HCN4: variants seen among roughly 807,000 people sequenced by gnomAD.
HCN4 encodes potassium/sodium hyperpolarization-activated cyclic nucleotide-gated channel 4.
In HCN4, 29 loss-of-function variants were observed where a neutral mutation model predicts 76.9. The ratio of observed to expected loss-of-function variants is 0.38; its 90% CI spans 0.28 to 0.51. The LOEUF (loss-of-function observed/expected upper bound fraction) is 0.51. Ranked by LOEUF, HCN4 falls within the 20% of genes least tolerant of loss-of-function variation. The pLI is 0.90. For missense variants in HCN4, 1,416 were observed against 1,715.2 expected (o/e 0.83, Z 3.08); for synonymous variants, 772 against 762.5 (o/e 1.01, Z -0.21).
At chr15:73,332,446 G>C (rs2042938920) in intron 2 of HCN4, among the ~76,000 whole-genome samples, 154 bp from the exon 3 acceptor site, 2 of 152,250 alleles carry the variant, frequency 1.3e-5, no homozygotes, top group Non-Finnish European at 2.9e-5. Context: ...GGTGGGATGG[G>C]AAGGCGTCAG....
Position 73,322,697 on chromosome 15 carries a change from G to A in HCN4, c.3396C>T (p.Ser1132=), listed in dbSNP as rs369224427. 5.1e-5 allele frequency: 81 copies of A among 1,577,902 alleles called. No individual in the cohort carries two copies. The highest frequency in any genetic ancestry group is 6.5e-5 in the Non-Finnish European group (76 of 1,162,434). The change falls in exon 8 of 8, where the codon AGC becomes AGT. Residue 1132 remains serine, a synonymous_variant. Transcript: ENST00000261917. ...GCCTCCCAGGGGGACCGAGGCCCCC[G>A]CTGCTCCCACTGCCCCCGCTGCCAC... is the stretch of plus-strand genomic sequence containing the variant. ...AGGGSGGSGS[S]GGLGPPGRPY...
chr15:73,355,815 A>G (rs2043076322), intron 1 of HCN4, among the ~76,000 whole-genome samples: 1 of 152,184 alleles, frequency 6.6e-6, no homozygotes, highest in Admixed American at 6.5e-5. Flanking sequence ...TCTGCTTCAC[A>G]GTGCTCCAAG....
chr15:73,343,920 T>A lies in HCN4; in HGVS notation c.786-112A>T. The A allele has an allele frequency of 8.7e-7, 1 of 1,155,476 alleles. No individual in the cohort carries two copies. The highest frequency in any genetic ancestry group is 1.3e-5 in the South Asian group (1 of 79,590). The allele number at this position is 1,155,476 out of a possible 1,614,324, so 71.6% of individuals were successfully genotyped here. On this transcript the variant is annotated intron_variant, in intron 1 of 7. Coordinates refer to ENST00000261917, the MANE Select transcript of HCN4 (RefSeq NM_005477.3). The surrounding 1 kb of genome is among the most constrained non-coding windows in gnomAD (Gnocchi z 5.7). Reference sequence around the variant, plus strand: ...GGGACAGAGAAGTCTTGGGAGGTTCTGAGACAGGAAGACAGGCACATGGGT... The same window carrying A: ...GGGACAGAGAAGTCTTGGGAGGTTCAGAGACAGGAAGACAGGCACATGGGT...
At chr15:73,329,817 C>T in intron 3 of HCN4, 26 bp from the exon 4 acceptor site, 2 of 1,588,796 alleles carry the variant, frequency 1.3e-6, no homozygotes, top group Non-Finnish European at 8.6e-7. Context: ...TGGGTGGGGA[C>T]AGTGGATGAG....
intron 1 of HCN4, among the ~76,000 whole-genome samples, chr15:73,352,676 C>G (rs771679208): frequency 9.2e-5 from 14 of 152,176 alleles, no homozygotes; most frequent in Non-Finnish European, 2.1e-4. Flanking sequence ...TAATAAGCCT[C>G]TCATTATGGG....
chr15:73,325,852 G>A lies in HCN4; in HGVS notation c.1591-408C>T, dbSNP rs1488081732. On this transcript the variant is annotated intron_variant, in intron 4 of 7. Transcript: ENST00000261917. This position sits in a 1 kb window ranked among gnomAD's most constrained non-coding sequence, Gnocchi z 7.4. The stretch of plus-strand genomic sequence containing the variant: ...GGAAAGAAGCTGTTTCCTCCCAGCA[G>A]TGACAACTGGCACAGTCAGGAGGCA... 6.6e-6 allele frequency among the ~76,000 whole-genome samples: 1 copy of A among 152,196 alleles called. No individual in the cohort carries two copies.
chr15:73,338,871 G>A (rs1478511430), intron 2 of HCN4, among the ~76,000 whole-genome samples: 3 of 152,220 alleles, frequency 2.0e-5, no homozygotes, highest in Non-Finnish European at 2.9e-5. Context: ...GGGTCATGCC[G>A]GGTCCCATCC....
chr15:73,366,567 AC>A (rs1411378047), intron 1 of HCN4, among the ~76,000 whole-genome samples: 1 of 152,200 alleles, frequency 6.6e-6, no homozygotes, highest in African/African-American at 2.4e-5. Context: ...CCTAGAAACA[AC>A]CAACAATCCC....
intron 1 of HCN4, among the ~76,000 whole-genome samples, chr15:73,365,237 C>T (rs939016743): frequency 1.3e-5 from 2 of 152,120 alleles, no homozygotes; most frequent in Non-Finnish European, 2.9e-5. Context: ...CTGTTTTGGC[C>T]TAGAAGCAGG....
Position 73,328,470 on chromosome 15 carries a change from G to A in HCN4, c.1590+1103C>T, listed in dbSNP as rs1377750221. On this transcript the variant is annotated intron_variant, in intron 4 of 7. Transcript: ENST00000261917. This position sits in a 1 kb window ranked among gnomAD's most constrained non-coding sequence, Gnocchi z 4.0. ...AGTCCCTGAAGAGTTTCAAGCAGAG[G>A]ATGAGGCTGACGTGTTTTAGATGCC... is the stretch of plus-strand genomic sequence containing the variant. Among the ~76,000 whole-genome samples, 1 of 151,952 alleles carries A rather than the reference G, an allele frequency of 6.6e-6. No homozygotes were observed. Among genetic ancestry groups the A allele is most frequent in the Non-Finnish European group, 1.5e-5 (1 of 68,024 alleles).
chr15:73,360,097 G>C (rs924254722), intron 1 of HCN4, among the ~76,000 whole-genome samples: 4 of 152,234 alleles, frequency 2.6e-5, no homozygotes, highest in African/African-American at 7.2e-5. Context: ...AAAGGGGAAG[G>C]CTCCCTTCTC....
chr15:73,323,429 G>A lies in HCN4; in HGVS notation c.2664C>T (p.Gly888=). The A allele has an allele frequency of 6.2e-7, 1 of 1,608,688 alleles. No individual in the cohort carries two copies. Among genetic ancestry groups the A allele is most frequent in the Admixed American group, 1.7e-5 (1 of 59,624 alleles). The change falls in exon 8 of 8, where the codon GGC becomes GGT. Residue 888 remains glycine, a synonymous_variant. Transcript: ENST00000261917. ...SSSSPPPGAC[G]SPSAPTPSAG... is the part of the protein sequence containing the mutation. ...CTGATGGTGTGGGAGCCGAGGGGGA[G>A]CCACAGGCCCCGGGGGGTGGGGAGG... is the stretch of plus-strand genomic sequence containing the variant.
chr15:73,323,717 G>A lies in HCN4; in HGVS notation c.2376C>T (p.Ala792=), dbSNP rs1333164922. The change falls in exon 8 of 8, where the codon GCC becomes GCT. Residue 792 remains alanine (A), a synonymous_variant. Transcript: ENST00000261917. ...LQAAAATTSV[A]IALTHHPRLP... The stretch of plus-strand genomic sequence containing the variant: ...GGCGAGGGTGGTGGGTGAGGGCTAT[G>A]GCCACAGAAGTGGTGGCAGCGGCAG... 1.9e-6 allele frequency: 3 copies of A among 1,600,930 alleles called. No homozygotes were observed. Among genetic ancestry groups the A allele is most frequent in the Non-Finnish European group, 1.7e-6 (2 of 1,173,782 alleles).
In HCN4 at chr15:73,343,955, A is replaced by C. The variant is rs1432000153; in HGVS notation, c.786-147T>G. On this transcript the variant is annotated intron_variant, in intron 1 of 7. Coordinates refer to ENST00000261917, the MANE Select transcript of HCN4 (RefSeq NM_005477.3). The surrounding 1 kb of genome is among the most constrained non-coding windows in gnomAD (Gnocchi z 5.7). ...AGACAGGCACATGGGTACCAGGGCA[A>C]GATGTGGAGATTGGCACAGGGAATG... is the stretch of plus-strand genomic sequence containing the variant. 4 of 766,642 alleles carry C rather than the reference A, an allele frequency of 5.2e-6. No homozygotes were observed. The highest frequency in any genetic ancestry group is 9.0e-6 in the Non-Finnish European group (4 of 444,274). 47.5% of individuals were successfully genotyped at this position (766,642 alleles called of 1,614,324 possible).
chr15:73,365,593 A>G lies in HCN4; in HGVS notation c.785+1893T>C, dbSNP rs573445052. Among the ~76,000 whole-genome samples the G allele has an allele frequency of 2.0e-5, 3 of 152,328 alleles. No homozygotes were observed. In the South Asian group the frequency reaches 6.2e-4, roughly 32 times the overall value. The stretch of plus-strand genomic sequence containing the variant: ...AGACCAGGAAGGGGAAAAGGATCCT[A>G]TCTGATGAAATCAACCCAGTCCTCA... On this transcript the variant is annotated intron_variant, in intron 1 of 7. Transcript: ENST00000261917.
At chr15:73,341,483 A>G (rs2043002602) in intron 2 of HCN4, among the ~76,000 whole-genome samples, 1 of 152,188 alleles carries the variant, frequency 6.6e-6, no homozygotes, top group Non-Finnish European at 1.5e-5. Context: ...ACCAGGCTTC[A>G]TGCTAAGGCT....
At chr15:73,355,205 A>G (rs1168069736) in intron 1 of HCN4, among the ~76,000 whole-genome samples, 2 of 152,162 alleles carry the variant, frequency 1.3e-5, no homozygotes, top group African/African-American at 2.4e-5. Flanking sequence ...ATGCTATGCG[A>G]TGGAAGGTGT....
At chr15:73,348,985 T>C (rs1378211570) in intron 1 of HCN4, among the ~76,000 whole-genome samples, 1 of 152,158 alleles carries the variant, frequency 6.6e-6, no homozygotes, top group East Asian at 1.9e-4. Context: ...ATTTCAATAA[T>C]CTAGGCTCAA....
At chr15:73,364,828 G>C (rs2043121410) in intron 1 of HCN4, among the ~76,000 whole-genome samples, 1 of 152,080 alleles carries the variant, frequency 6.6e-6, no homozygotes, top group Non-Finnish European at 1.5e-5. Flanking sequence ...CCTTGCCCTG[G>C]AAAAGGCACC....
Sources: allele counts gnomAD v4.1 joint callset (sites outside exome capture counted in the v4.1 genomes callset), GRCh38; gene constraint gnomAD v4.1.1; non-coding constraint Gnocchi (gnomAD v3.1); transcripts MANE v1.5; gene names NCBI Gene and HGNC (gene_info 2026-07-23, HGNC 2026-07-21).